The following CCNT1 variants were observed in gnomAD, a reference collection of about 807,000 sequenced individuals.
CCNT1 encodes cyclin-T1.
CCNT1 carries 18 observed loss-of-function variants against 67.3 expected under a neutral mutation model. The observed-to-expected ratio is 0.27, with a 90% CI of 0.18 to 0.40. The LOEUF (loss-of-function observed/expected upper bound fraction) is 0.40, where lower values mean the gene tolerates loss of function less well. Among genes scored for constraint, CCNT1 ranks in the 10% least tolerant of loss-of-function variants. CCNT1 has a pLI of 1.00. For missense variants in CCNT1, 744 were observed against 884.9 expected, an observed-to-expected ratio of 0.84 and a Z score of 2.02; for synonymous variants, 333 against 310.3, an observed-to-expected ratio of 1.07 and a Z score of -0.77.
At chr12:48,694,820 G>GT (rs370265372) in intron 8 of CCNT1, among the ~76,000 whole-genome samples, 3 of 151,690 alleles carry the variant, frequency 2.0e-5, no homozygotes, top group African/African-American at 7.3e-5. Flanking sequence ...TGTTACTGTT[G>GT]TTTTTTGTTT....
intron 2 of CCNT1, among the ~76,000 whole-genome samples, chr12:48,712,013 C>G (rs1940458664): frequency 6.6e-6 from 1 of 152,052 alleles, no homozygotes; most frequent in Non-Finnish European, 1.5e-5. Context: ...CCAGGATGGT[C>G]TTGATCTGCT....
rs1940205413 is a variant in CCNT1, at chr12:48,698,033, C to A, written c.542+105G>T. ...TTTAAAGTACAACATGAAAACTGTG[C>A]AGAAAAATCAACATTCACCAGAGAA... On this transcript the variant is annotated intron_variant, in intron 6 of 8. Transcript: ENST00000261900. 6 of 625,112 alleles carry A rather than the reference C, an allele frequency of 9.6e-6. No individual in the cohort carries two copies. The East Asian group carries it at 1.5e-4, about 16-fold the overall frequency. The allele number at this position is 625,112 out of a possible 1,614,324, so 38.7% of individuals were successfully genotyped here.
intron 7 of CCNT1, 79 bp downstream of exon 7, chr12:48,695,920 C>A: frequency 6.4e-7 from 1 of 1,556,342 alleles, no homozygotes. Flanking sequence ...CTATTTTCAT[C>A]TGAATCAAGT....
intron 2 of CCNT1, among the ~76,000 whole-genome samples, chr12:48,707,596 G>A (rs1311210093): frequency 6.7e-6 from 1 of 148,242 alleles, no homozygotes; most frequent in East Asian, 1.9e-4. Context: ...CTTAACAAGA[G>A]TGACACTAAA....
In CCNT1 at chr12:48,692,936, T is replaced by G. The variant is rs968568817; in HGVS notation, c.*97A>C. The stretch of plus-strand genomic sequence containing the variant: ...ATCAATTTATTCCCTAGTCCAAGGA[T>G]GACATATTTCATAAGTAATTTTCTT... On this transcript the variant is annotated 3_prime_UTR_variant, in exon 9 of 9. Coordinates refer to ENST00000261900, the MANE Select transcript of CCNT1 (RefSeq NM_001240.4). 3.8e-6 allele frequency: 3 copies of G among 785,398 alleles called. No homozygotes were observed. The highest frequency in any genetic ancestry group is 6.0e-6 in the Non-Finnish European group (3 of 501,382). 48.7% of individuals were successfully genotyped at this position (785,398 alleles called of 1,614,324 possible). A position where few individuals can be genotyped will look rare whatever the true frequency, so the allele number is the denominator to read the frequency against.
In CCNT1 at chr12:48,695,798, C is replaced by T; in HGVS notation, c.738G>A (p.Glu246=). 2 of 1,612,862 alleles carry T rather than the reference C, an allele frequency of 1.2e-6. No individual in the cohort carries two copies. Among genetic ancestry groups the T allele is most frequent in the Non-Finnish European group, 1.7e-6 (2 of 1,178,920 alleles). ...TGCGTTTGAGCCTGTTGGGAGTTTT[C>T]TCCAAAATCTGTAGAAACTCATGTG... is the stretch of plus-strand genomic sequence containing the variant. The part of the protein sequence containing the change: ...ELTHEFLQIL[E]KTPNRLKRIW... The change falls in exon 8 of 9, where the codon GAG becomes GAA. Residue 246 remains glutamate (E), a synonymous_variant. Transcript: ENST00000261900.
chr12:48,693,670 G>A lies in CCNT1; in HGVS notation c.1544C>T (p.Ser515Phe), dbSNP rs753742785. ...GTGATTATGATGATGATGATGATTA[G>A]ATGGGTGAGTCTTGTGCTTTTCTTT... ...EHKEKHKTHP[S>F]NHHHHHNHHS... Residue 515 changes from serine (S) to phenylalanine (F), a missense_variant, in exon 9 of 9, where the codon TCT becomes TTT. By Grantham distance (155) the Ser-to-Phe change is radical. Around this residue, in one of 3 missense-constraint regions of CCNT1, gnomAD observed 564 missense variants for 574.2 expected, o/e 0.98. Transcript: ENST00000261900. The A allele has an allele frequency of 2.5e-5, 41 of 1,614,064 alleles. No individual in the cohort carries two copies. In the Admixed American group the frequency reaches 5.5e-4, roughly 22 times the overall value.
intron 2 of CCNT1, among the ~76,000 whole-genome samples, chr12:48,712,057 G>A (rs1190571383): frequency 1.3e-5 from 2 of 152,142 alleles, no homozygotes; most frequent in African/African-American, 4.8e-5. Flanking sequence ...GCCTCCCAAA[G>A]TGCTGGGATT....
Position 48,690,566 on chromosome 12 carries a change from TATCTTAAG to T in CCNT1, c.*2459_*2466del, listed in dbSNP as rs1198177809. The T allele has an allele frequency of 6.6e-6, 1 of 152,210 alleles. No individual in the cohort carries two copies. 9.4% of individuals were successfully genotyped at this position (152,210 alleles called of 1,614,324 possible). On this transcript the variant is annotated 3_prime_UTR_variant, in exon 9 of 9. Transcript: ENST00000261900. Reference sequence around the variant, plus strand: ...TAGATCTAAAAACAGACACTGTACGTATCTTAAGACAGTACCAGGAGGCATTAACACAG... The same window carrying T: ...TAGATCTAAAAACAGACACTGTACGTACAGTACCAGGAGGCATTAACACAG...
chr12:48,693,176 C>T lies in CCNT1; in HGVS notation c.2038G>A (p.Ala680Thr). Reference sequence around the variant, plus strand: ...CTATAAGGACGAACAAATTCAAATGCAGTGGGCTGAGTGGGCTGAACACCC... The same window carrying T: ...CTATAAGGACGAACAAATTCAAATGTAGTGGGCTGAGTGGGCTGAACACCC... The part of the protein sequence containing the change: ...AQGVQPTQPT[A>T]FEFVRPYSDY... Residue 680 changes from alanine to threonine, a missense_variant, in exon 9 of 9, where the codon GCA becomes ACA. Physicochemically the swap from Ala to Thr is moderately conservative, Grantham distance 58. This residue lies in a region of CCNT1 where 564 missense variants were observed against 574.2 expected (regional missense o/e 0.98). Coordinates refer to ENST00000261900, the MANE Select transcript of CCNT1 (RefSeq NM_001240.4). 2 of 1,614,114 alleles carry T rather than the reference C, an allele frequency of 1.2e-6. No individual in the cohort carries two copies. Among genetic ancestry groups the T allele is most frequent in the Non-Finnish European group, 1.7e-6 (2 of 1,180,024 alleles).
chr12:48,702,373 G>A (rs1376011096), intron 3 of CCNT1, among the ~76,000 whole-genome samples: 1 of 152,218 alleles, frequency 6.6e-6, no homozygotes, highest in Non-Finnish European at 1.5e-5. Flanking sequence ...AATTCACTCA[G>A]ATTTGTGCCA....
At chr12:48,698,219 GA>G in intron 5 of CCNT1, 36 bp from the exon 6 acceptor site, 8 of 1,199,718 alleles carry the variant, frequency 6.7e-6, no homozygotes, top group South Asian at 4.3e-5. Flanking sequence ...GGTGGGGGAG[GA>G]AAAAAGTTAT....
intron 3 of CCNT1, among the ~76,000 whole-genome samples, chr12:48,705,271 C>A (rs1179732702): frequency 6.8e-6 from 1 of 146,866 alleles, no homozygotes; most frequent in African/African-American, 2.5e-5. Flanking sequence ...GCCAGCATGC[C>A]CAGTTGTTTT....
Position 48,693,819 on chromosome 12 carries a change from T to C in CCNT1, c.1395A>G (p.Pro465=), listed in dbSNP as rs1172312640. 1 of 1,614,078 alleles carries C rather than the reference T, an allele frequency of 6.2e-7. No individual in the cohort carries two copies. Among genetic ancestry groups the C allele is most frequent in the East Asian group, 2.2e-5 (1 of 44,898 alleles). The change falls in exon 9 of 9, where the codon CCA becomes CCG. Residue 465 remains proline (P), a synonymous_variant. Transcript: ENST00000261900. ...ADKTALKMRI[P]VAGGDKAASS... is the part of the protein sequence containing the mutation. ...ACGCAGCTTTATCTCCACCTGCCACTGGGATTCTCATTTTGAGAGCTGTTT... is the reference window on the plus strand; with the variant it reads ...ACGCAGCTTTATCTCCACCTGCCACCGGGATTCTCATTTTGAGAGCTGTTT...
chr12:48,703,416 A>T (rs1328045340), intron 3 of CCNT1, among the ~76,000 whole-genome samples: 1 of 152,066 alleles, frequency 6.6e-6, no homozygotes. Flanking sequence ...TCAACTAAAA[A>T]TACAAAATTA....
chr12:48,712,079 G>A (rs534620409), intron 2 of CCNT1, among the ~76,000 whole-genome samples: 18 of 152,200 alleles, frequency 1.2e-4, no homozygotes, highest in African/African-American at 4.3e-4. Flanking sequence ...CAGGCGTTGA[G>A]CCACGGCACC....
intron 2 of CCNT1, among the ~76,000 whole-genome samples, chr12:48,713,555 G>A (rs971111990): frequency 7.9e-5 from 12 of 152,154 alleles, no homozygotes; most frequent in East Asian, 1.9e-4. Flanking sequence ...AGGCGGAGGC[G>A]GAAGGATCCC....
In CCNT1 at chr12:48,692,106, G is replaced by C. The variant is rs1265307356; in HGVS notation, c.*927C>G. The C allele has an allele frequency of 6.6e-6, 1 of 151,868 alleles. No individual in the cohort carries two copies. Among genetic ancestry groups the C allele is most frequent in the Admixed American group, 6.6e-5 (1 of 15,232 alleles). 9.4% of individuals were successfully genotyped at this position (151,868 alleles called of 1,614,324 possible). ...CCTTCCTCAACCCCATCTCTGTTTT[G>C]CACAAAAACAAAAAAAGGGGTAAAA... On this transcript the variant is annotated 3_prime_UTR_variant, in exon 9 of 9. Coordinates refer to ENST00000261900, the MANE Select transcript of CCNT1 (RefSeq NM_001240.4).
intron 1 of CCNT1, 125 bp from the exon 2 acceptor site, chr12:48,714,649 A>C (rs1401641871): frequency 1.2e-5 from 7 of 605,542 alleles, no homozygotes; most frequent in South Asian, 7.7e-5. Flanking sequence ...AATCATACTT[A>C]TCTCTCCAAA....
Sources: allele counts gnomAD v4.1 joint callset (sites outside exome capture counted in the v4.1 genomes callset), GRCh38; gene constraint gnomAD v4.1.1; regional missense constraint gnomAD v4.1.1; transcripts MANE v1.5; gene names NCBI Gene and HGNC (gene_info 2026-07-23, HGNC 2026-07-21).